ZNF362: variants seen among roughly 807,000 people sequenced by gnomAD.
The protein encoded by ZNF362 is rotund homolog.
A neutral mutation model predicts 42.9 loss-of-function variants in ZNF362; 11 were observed. That is an observed-to-expected ratio of 0.26 (90% CI 0.16 to 0.42). The LOEUF is 0.42. Among genes scored for constraint, ZNF362 ranks in the 20% least tolerant of loss-of-function variants. The pLI is 1.00. For synonymous variants in ZNF362, 255 were observed against 257.3 expected (o/e 0.99, Z 0.09); for missense variants, 362 against 576.2 (o/e 0.63, Z 3.81).
the ZNF362 span, among the ~76,000 whole-genome samples, chr1:33,193,784 A>G: frequency 1.3e-5 from 2 of 152,242 alleles, no homozygotes; most frequent in South Asian, 2.1e-4. Flanking sequence ...TACACCTGCC[A>G]TGTTCATAAA....
At chr1:33,180,209 A>G in the ZNF362 span, among the ~76,000 whole-genome samples, 2,641 of 152,298 alleles carry the variant, frequency 0.017, 15 homozygotes, top group African/African-American at 0.019. Context: ...ACAGAGCCAA[A>G]GAGGTCATCA....
the ZNF362 span, among the ~76,000 whole-genome samples, chr1:33,174,860 G>C: frequency 7.3e-5 from 11 of 151,316 alleles, no homozygotes. Flanking sequence ...CTGGCCCTCT[G>C]TAGCCATGGC....
At chr1:33,134,496 C>T in the ZNF362 span, among the ~76,000 whole-genome samples, 2 of 152,046 alleles carry the variant, frequency 1.3e-5, no homozygotes, top group Non-Finnish European at 2.9e-5. Flanking sequence ...AAATGGAGGG[C>T]CTTTAAAGGA....
the ZNF362 span, among the ~76,000 whole-genome samples, chr1:33,168,577 T>G: frequency 6.6e-6 from 1 of 152,178 alleles, no homozygotes; most frequent in African/African-American, 2.4e-5. Context: ...GAGACTTGTC[T>G]TACATGAGAG....
At chr1:33,273,516 C>T (rs1436036273) in intron 2 of ZNF362, among the ~76,000 whole-genome samples, 5 of 152,172 alleles carry the variant, frequency 3.3e-5, no homozygotes, top group South Asian at 2.1e-4. Flanking sequence ...GAGGAAAAGA[C>T]GGATCTCCCA....
chr1:33,199,065 G>T, the ZNF362 span, among the ~76,000 whole-genome samples: 1 of 152,098 alleles, frequency 6.6e-6, no homozygotes, highest in African/African-American at 2.4e-5. Context: ...CCTAACATAT[G>T]TATATTTGGA....
chr1:33,167,411 G>A, the ZNF362 span, among the ~76,000 whole-genome samples: 2 of 152,228 alleles, frequency 1.3e-5, no homozygotes, highest in Non-Finnish European at 2.9e-5. The surrounding 1 kb of genome is among the most constrained non-coding windows in gnomAD (Gnocchi z 4.2). Flanking sequence ...TTGTGGAGGT[G>A]AGTGCTCCCT....
At chr1:33,243,177 A>G in the ZNF362 span, among the ~76,000 whole-genome samples, 1 of 145,182 alleles carries the variant, frequency 6.9e-6, no homozygotes, top group African/African-American at 2.7e-5. Context: ...TTATTTTGAG[A>G]TGGAGTCTTG....
chr1:33,181,109 C>A, the ZNF362 span: 1 of 1,599,964 alleles, frequency 6.3e-7, no homozygotes, highest in Non-Finnish European at 8.5e-7. This position sits in a 1 kb window ranked among gnomAD's most constrained non-coding sequence, Gnocchi z 6.5. Context: ...AGCAGAGAAG[C>A]GCGCGGTCCG....
intron 6 of ZNF362, among the ~76,000 whole-genome samples, chr1:33,284,740 A>G (rs895155539): frequency 8.6e-5 from 13 of 151,570 alleles, no homozygotes; most frequent in South Asian, 4.2e-4. Context: ...AGTAATAAAG[A>G]AAAAAAAAGA....
the ZNF362 span, among the ~76,000 whole-genome samples, chr1:33,197,629 C>G: frequency 6.6e-6 from 1 of 152,172 alleles, no homozygotes; most frequent in African/African-American, 2.4e-5. Context: ...ACCTTACTGC[C>G]TAGAAAGAGT....
At chr1:33,191,166 T>G in the ZNF362 span, among the ~76,000 whole-genome samples, 1 of 152,372 alleles carries the variant, frequency 6.6e-6, no homozygotes, top group African/African-American at 2.4e-5. Context: ...TTTTTACCTT[T>G]GCAGTTACCT....
chr1:33,136,327 T>TTTCC, the ZNF362 span, among the ~76,000 whole-genome samples: 4 of 149,406 alleles, frequency 2.7e-5, no homozygotes, highest in East Asian at 2.0e-4. Context: ...TTTTTCTTTC[T>TTTCC]TTCCTTCCTT....
the ZNF362 span, among the ~76,000 whole-genome samples, chr1:33,210,803 T>C: frequency 6.6e-6 from 1 of 152,154 alleles, no homozygotes; most frequent in African/African-American, 2.4e-5. Context: ...TCCCTTTATT[T>C]TGAGCCTATG....
At chr1:33,244,624 A>G in the ZNF362 span, among the ~76,000 whole-genome samples, 2 of 152,200 alleles carry the variant, frequency 1.3e-5, no homozygotes, top group African/African-American at 4.8e-5. This position sits in a 1 kb window ranked among gnomAD's most constrained non-coding sequence, Gnocchi z 4.0. Context: ...GAAGGCACTT[A>G]TGGCTGAGGT....
intron 4 of ZNF362, among the ~76,000 whole-genome samples, chr1:33,277,452 T>A (rs1377277861): frequency 6.6e-6 from 1 of 152,220 alleles, no homozygotes; most frequent in African/African-American, 2.4e-5. Context: ...CACAGTGGTT[T>A]GGACTTGACC....
At chr1:33,168,387 C>CT in the ZNF362 span, among the ~76,000 whole-genome samples, 106,049 of 150,464 alleles carry the variant, frequency 0.7, 37,434 homozygotes, top group Admixed American at 0.74. Flanking sequence ...CTGAGAAAAA[C>CT]TTTTTTTTTT....
At chr1:33,182,246 C>T in the ZNF362 span, among the ~76,000 whole-genome samples, 1 of 152,172 alleles carries the variant, frequency 6.6e-6, no homozygotes, top group Admixed American at 6.5e-5. Context: ...GAACTGCATC[C>T]AGGTCTCGCT....
intron 6 of ZNF362, among the ~76,000 whole-genome samples, chr1:33,286,651 G>A (rs1275275682): frequency 6.6e-6 from 1 of 152,162 alleles, no homozygotes; most frequent in Non-Finnish European, 1.5e-5. Flanking sequence ...TCCTAACTCA[G>A]TGGCAAAGAG....
Sources: gnomAD v4.1 joint callset for allele counts (sites outside exome capture counted in the v4.1 genomes callset) on GRCh38, gnomAD v4.1.1 for gene constraint, Gnocchi (gnomAD v3.1) non-coding constraint, MANE v1.5 for transcripts, NCBI Gene and HGNC (gene_info 2026-07-23, HGNC 2026-07-21) for gene names.